Variants in TNRC6B observed in about 807,000 individuals in gnomAD.
TNRC6B encodes trinucleotide repeat-containing gene 6B protein.
In TNRC6B, 52 loss-of-function variants were observed where a neutral mutation model predicts 203.6. The ratio of observed to expected loss-of-function variants is 0.26; its 90% CI spans 0.20 to 0.32. The LOEUF is 0.32. Ranked by LOEUF, TNRC6B falls within the 10% of genes least tolerant of loss-of-function variation. The pLI is 1.00. For missense variants in TNRC6B, 1,923 were observed against 2,286.2 expected (o/e 0.84, Z 3.24); for synonymous variants, 838 against 845.7 (o/e 0.99, Z 0.16).
chr22:40,102,404 T>G (rs1300639589), intron 1 of TNRC6B, among the ~76,000 whole-genome samples: 1 of 152,198 alleles, frequency 6.6e-6, no homozygotes, highest in Non-Finnish European at 1.5e-5. Context: ...GAGGACAGTT[T>G]GGGTTTTTAA....
chr22:40,106,843 C>T (rs1214733458), intron 1 of TNRC6B: 2 of 1,146,728 alleles, frequency 1.7e-6, no homozygotes, highest in African/African-American at 1.5e-5. Context: ...CTTTTCTTGC[C>T]ACCCTCGCCA....
intron 1 of TNRC6B, among the ~76,000 whole-genome samples, chr22:40,092,588 C>T (rs953388439): frequency 2.6e-5 from 4 of 151,966 alleles, no homozygotes; most frequent in African/African-American, 4.8e-5. Context: ...AGTTCACTGC[C>T]GCCTCAAACT....
Position 40,273,463 on chromosome 22 carries a change from G to C in TNRC6B, c.3004G>C (p.Gly1002Arg), listed in dbSNP as rs778831852. Residue 1002 changes from glycine (G) to arginine (R), a missense_variant, in exon 7 of 23, where the codon GGG (glycine) becomes CGG (arginine). By Grantham distance (125) the Gly-to-Arg change is moderately radical (BLOSUM62 -2). Around this residue, in one of 8 missense-constraint regions of TNRC6B, gnomAD observed 599 missense variants for 656.5 expected, o/e 0.91. Coordinates refer to ENST00000454349, the MANE Select transcript of TNRC6B (RefSeq NM_001162501.2). ...GCAAGACGGCTGGGGGGAGAGTGAC[G>C]GGCCAGTCACAGGAGCTCGCCATCC... ...SMQDGWGESD[G>R]PVTGARHPSW... is the part of the protein sequence containing the mutation. The C allele has an allele frequency of 6.2e-7, 1 of 1,610,232 alleles. No individual in the cohort carries two copies. Among genetic ancestry groups the C allele is most frequent in the South Asian group, 1.1e-5 (1 of 90,118 alleles).
At chr22:40,117,912 A>G (rs1240088128) in intron 2 of TNRC6B, among the ~76,000 whole-genome samples, 2 of 152,102 alleles carry the variant, frequency 1.3e-5, no homozygotes, top group African/African-American at 2.4e-5. Context: ...ACCCTTTGAG[A>G]CTGCTTGGAA....
chr22:40,110,015 GC>G (rs1428414332), intron 1 of TNRC6B, among the ~76,000 whole-genome samples: 1 of 152,170 alleles, frequency 6.6e-6, no homozygotes, highest in African/African-American at 2.4e-5. Context: ...AATTGGAGAA[GC>G]AGTATACATC....
At chr22:40,087,093 G>A (rs1436359549) in intron 1 of TNRC6B, among the ~76,000 whole-genome samples, 1 of 152,066 alleles carries the variant, frequency 6.6e-6, no homozygotes, top group Non-Finnish European at 1.5e-5. Flanking sequence ...AGCTTATACT[G>A]CATCAGTAGT....
At chr22:40,301,524 G>A in intron 15 of TNRC6B, 191 bp downstream of exon 15, 1 of 620,262 alleles carries the variant, frequency 1.6e-6, no homozygotes. Context: ...TCACCACATG[G>A]TTACTAAATA....
chr22:40,178,458 A>T (rs1280881025), intron 1 of TNRC6B, among the ~76,000 whole-genome samples: 6 of 152,194 alleles, frequency 3.9e-5, no homozygotes, highest in Non-Finnish European at 5.9e-5. Context: ...AGAGGTTTTT[A>T]AAAAACACAG....
chr22:40,237,642 A>C (rs939676387), intron 1 of TNRC6B, among the ~76,000 whole-genome samples: 3 of 152,000 alleles, frequency 2.0e-5, no homozygotes, highest in Non-Finnish European at 4.4e-5. Flanking sequence ...CCCTTCCCCC[A>C]AACTCACACC....
At chr22:40,127,554 G>C (rs1252866642) in intron 3 of TNRC6B, among the ~76,000 whole-genome samples, 1 of 152,022 alleles carries the variant, frequency 6.6e-6, no homozygotes, top group African/African-American at 2.4e-5. Flanking sequence ...CCTTCCTCAA[G>C]ATCCTAATTT....
intron 1 of TNRC6B, among the ~76,000 whole-genome samples, chr22:40,077,102 G>C (rs1042004122): frequency 6.7e-6 from 1 of 149,592 alleles, no homozygotes; most frequent in African/African-American, 2.4e-5. Flanking sequence ...GAGGGAGGGA[G>C]AGGAGAGGGG....
chr22:40,301,272 C>A lies in TNRC6B; in HGVS notation c.4059C>A (p.Asn1353Lys). Residue 1353 changes from asparagine (N) to lysine (K), a missense_variant, in exon 15 of 23, where the codon AAC (asparagine) becomes AAA (lysine). Asn to Lys is a moderately conservative substitution (Grantham distance 94). Transcript: ENST00000454349. ...PKPHLDNMVP[N>K]ALNVGLPDLQ... is the part of the protein sequence containing the mutation. ...CGCATCTGGACAACATGGTACCCAA[C>A]GCATTGAATGTGGGGCTCCCAGACC... 1 of 1,593,112 alleles carries A rather than the reference C, an allele frequency of 6.3e-7. No homozygotes were observed. The highest frequency in any genetic ancestry group is 8.6e-7 in the Non-Finnish European group (1 of 1,168,904).
chr22:40,311,909 G>T (rs529007986), intron 17 of TNRC6B, among the ~76,000 whole-genome samples: 1 of 152,210 alleles, frequency 6.6e-6, no homozygotes, highest in East Asian at 1.9e-4. Context: ...TCACGATTTG[G>T]AAAATAAAAG....
chr22:40,199,584 T>C (rs1437353178), intron 1 of TNRC6B, among the ~76,000 whole-genome samples: 1 of 152,110 alleles, frequency 6.6e-6, no homozygotes, highest in African/African-American at 2.4e-5. Context: ...GACCAAAGAA[T>C]GATTCTAAAC....
chr22:40,058,408 G>GCACAATGTGA (rs770944668), intron 1 of TNRC6B, among the ~76,000 whole-genome samples: 11 of 111,914 alleles, frequency 9.8e-5, no homozygotes, highest in African/African-American at 4.2e-4. Context: ...ATGTGCTTTA[G>GCACAATGTGA]CACAATGTGC....
At chr22:40,137,326 G>C (rs2068608313) in intron 3 of TNRC6B, among the ~76,000 whole-genome samples, 1 of 152,184 alleles carries the variant, frequency 6.6e-6, no homozygotes, top group Non-Finnish European at 1.5e-5. Flanking sequence ...TAGCTGGTAA[G>C]CAACATCATT....
At chr22:40,210,503 C>T (rs552124795) in intron 1 of TNRC6B, among the ~76,000 whole-genome samples, 59 of 152,266 alleles carry the variant, frequency 3.9e-4, no homozygotes, top group African/African-American at 1.2e-3. Context: ...GTTTCTGCTT[C>T]TCTATTCATT....
intron 13 of TNRC6B, 61 bp downstream of exon 13, chr22:40,300,647 CTT>C: frequency 6.5e-7 from 1 of 1,548,820 alleles, no homozygotes; most frequent in Non-Finnish European, 8.7e-7. Flanking sequence ...TTTTCTTTAG[CTT>C]TGATTTGCTT....
At chr22:40,099,370 T>G (rs1309994046) in intron 1 of TNRC6B, among the ~76,000 whole-genome samples, 3 of 152,208 alleles carry the variant, frequency 2.0e-5, no homozygotes, top group Non-Finnish European at 4.4e-5. Context: ...ATTCATCTTT[T>G]CTCCACTGAT....
Sources: allele counts gnomAD v4.1 joint callset (sites outside exome capture counted in the v4.1 genomes callset), GRCh38; gene constraint gnomAD v4.1.1; regional missense constraint gnomAD v4.1.1; transcripts MANE v1.5; gene names NCBI Gene and HGNC (gene_info 2026-07-23, HGNC 2026-07-21).